The following ENTHD1 variants were observed in gnomAD, a reference collection of about 807,000 sequenced individuals.
The protein encoded by ENTHD1 is ENTH domain-containing protein 1.
In ENTHD1, 23 loss-of-function variants were observed where a neutral mutation model predicts 39.1. The ratio of observed to expected loss-of-function variants is 0.59; its 90% CI spans 0.42 to 0.83. The LOEUF is 0.83. Ranked by LOEUF, ENTHD1 falls within the 40% of genes least tolerant of loss-of-function variation. ENTHD1 has a pLI of 0.00. For missense variants in ENTHD1, 624 were observed against 705.4 expected, an observed-to-expected ratio of 0.88 and a Z score of 1.31; for synonymous variants, 230 against 258.2, an observed-to-expected ratio of 0.89 and a Z score of 1.05.
intron 3 of ENTHD1, among the ~76,000 whole-genome samples, chr22:39,841,562 T>C (rs1728345306): frequency 1.3e-5 from 2 of 151,848 alleles, no homozygotes; most frequent in Admixed American, 1.3e-4. Flanking sequence ...TTGCAACCCC[T>C]GCCTTTTTTT....
chr22:39,829,774 T>C (rs563277165), intron 4 of ENTHD1, among the ~76,000 whole-genome samples: 12 of 144,638 alleles, frequency 8.3e-5, no homozygotes, highest in African/African-American at 2.5e-4. Context: ...CTGGGTGGCA[T>C]AGAGAGACTC....
intron 3 of ENTHD1, 32 bp from the exon 4 acceptor site, chr22:39,835,990 T>C (rs756473600): frequency 2.0e-6 from 3 of 1,513,524 alleles, no homozygotes; most frequent in South Asian, 2.5e-5. Context: ...AGATTTTACT[T>C]TGGCAAAACA....
At chr22:39,744,563 C>T (rs1469650160) in intron 6 of ENTHD1, among the ~76,000 whole-genome samples, 1 of 152,144 alleles carries the variant, frequency 6.6e-6, no homozygotes, top group Non-Finnish European at 1.5e-5. Context: ...CCCTGCCCAA[C>T]ATATTTTTAC....
intron 5 of ENTHD1, among the ~76,000 whole-genome samples, chr22:39,774,812 C>T (rs776750775): frequency 5.3e-5 from 8 of 152,154 alleles, no homozygotes; most frequent in East Asian, 1.9e-4. Flanking sequence ...AGCCTTCACC[C>T]GTGCTGATAT....
intron 5 of ENTHD1, among the ~76,000 whole-genome samples, chr22:39,783,983 T>C (rs1330028440): frequency 6.6e-6 from 1 of 151,984 alleles, no homozygotes; most frequent in Non-Finnish European, 1.5e-5. Flanking sequence ...TGGGACAAAA[T>C]ATTTGCAAAC....
At chr22:39,866,058 C>A (rs2066179467) in intron 2 of ENTHD1, among the ~76,000 whole-genome samples, 1 of 152,192 alleles carries the variant, frequency 6.6e-6, no homozygotes. Flanking sequence ...CCAAGTGACC[C>A]AGCTTGAAAC....
chr22:39,743,377 T>TA lies in ENTHD1; in HGVS notation c.*301dup. 1 of 242,104 alleles carries TA rather than the reference T, an allele frequency of 4.1e-6. No individual in the cohort carries two copies. Among genetic ancestry groups the TA allele is most frequent in the Non-Finnish European group, 7.9e-6 (1 of 126,728 alleles). The allele number at this position is 242,104 out of a possible 1,614,324, so 15.0% of individuals were successfully genotyped here. A position where few individuals can be genotyped will look rare whatever the true frequency, so the allele number is the denominator to read the frequency against. Reference sequence around the variant, plus strand: ...AATAGTCATTTGCAGTTTGAGGTCTTACCACAATTTTCACTAATGCTTAAC... The same window carrying TA: ...AATAGTCATTTGCAGTTTGAGGTCTTAACCACAATTTTCACTAATGCTTAAC... On this transcript the variant is annotated 3_prime_UTR_variant, in exon 7 of 7. Transcript: ENST00000325157.
rs187064483 is a variant in ENTHD1 at position 39,817,022 on chromosome 22, A to C, written c.832+3971T>G. On this transcript the variant is annotated intron_variant, in intron 5 of 6. Transcript: ENST00000325157. ...AAACAGGTAATCCATAGAAGAGGAAATAGAAATATCTACTCAATATGTAGC... is the reference window on the plus strand; with the variant it reads ...AAACAGGTAATCCATAGAAGAGGAACTAGAAATATCTACTCAATATGTAGC... 4.3e-3 allele frequency among the ~76,000 whole-genome samples: 651 copies of C among 152,290 alleles called. 1 individual carries two copies. Among genetic ancestry groups the C allele is most frequent in the Non-Finnish European group, 7.0e-3 (473 of 68,018 alleles).
chr22:39,827,417 A>G (rs1325395357), intron 4 of ENTHD1, among the ~76,000 whole-genome samples: 1 of 152,204 alleles, frequency 6.6e-6, no homozygotes, highest in Non-Finnish European at 1.5e-5. Flanking sequence ...TAAAAATTTT[A>G]AATCAAATGG....
chr22:39,881,845 A>G (rs1223496024), intron 2 of ENTHD1, among the ~76,000 whole-genome samples: 2 of 152,336 alleles, frequency 1.3e-5, no homozygotes, highest in East Asian at 3.8e-4. Context: ...TGGAAGAGCC[A>G]TGCAGGTTTC....
At chr22:39,829,824 A>G (rs1003504245) in intron 4 of ENTHD1, among the ~76,000 whole-genome samples, 1 of 151,692 alleles carries the variant, frequency 6.6e-6, no homozygotes, top group African/African-American at 2.4e-5. Context: ...AAATAAATAA[A>G]TAAAATAATT....
At chr22:39,840,794 G>A (rs967143948) in intron 3 of ENTHD1, among the ~76,000 whole-genome samples, 5 of 150,642 alleles carry the variant, frequency 3.3e-5, no homozygotes, top group Non-Finnish European at 5.9e-5. Flanking sequence ...TCGCTCTGTC[G>A]CCCAGGCTGG....
At chr22:39,814,914 A>T (rs1258674946) in intron 5 of ENTHD1, among the ~76,000 whole-genome samples, 1 of 152,240 alleles carries the variant, frequency 6.6e-6, no homozygotes, top group Non-Finnish European at 1.5e-5. Flanking sequence ...CCTCATTAAA[A>T]TTCAGAACTT....
intron 2 of ENTHD1, among the ~76,000 whole-genome samples, chr22:39,868,350 T>TAA (rs535956120): frequency 0.073 from 9,175 of 126,424 alleles, 390 homozygotes; most frequent in South Asian, 0.13. Flanking sequence ...TTTATTTTAT[T>TAA]AAAAAAAAAA....
chr22:39,816,891 A>T (rs2065737839), intron 5 of ENTHD1, among the ~76,000 whole-genome samples: 1 of 151,946 alleles, frequency 6.6e-6, no homozygotes, highest in Admixed American at 6.6e-5. Flanking sequence ...AAAGAATCAG[A>T]TATCTATGTA....
chr22:39,777,026 A>G (rs1360610073), intron 5 of ENTHD1, among the ~76,000 whole-genome samples: 1 of 152,228 alleles, frequency 6.6e-6, no homozygotes, highest in Non-Finnish European at 1.5e-5. Flanking sequence ...AATTACAGCT[A>G]CAAAGCAGAG....
intron 2 of ENTHD1, among the ~76,000 whole-genome samples, chr22:39,876,525 A>G (rs1169309265): frequency 2.0e-5 from 3 of 151,858 alleles, no homozygotes; most frequent in African/African-American, 7.2e-5. Flanking sequence ...AAAAAAAAAA[A>G]AAAAAAAAAG....
In ENTHD1 at chr22:39,862,064, A is replaced by AT. The variant is rs1048719106; in HGVS notation, c.350-58dup. ...GAAATACTAGTTAAGGCTATAATTAATTTTTTTTCTACAGAAATTTTTTTA... is the reference window on the plus strand; with the variant it reads ...GAAATACTAGTTAAGGCTATAATTAATTTTTTTTTCTACAGAAATTTTTTTA... On this transcript the variant is annotated intron_variant, in intron 2 of 6. Coordinates refer to ENST00000325157, the MANE Select transcript of ENTHD1 (RefSeq NM_152512.4). 23 of 1,305,862 alleles carry AT rather than the reference A, an allele frequency of 1.8e-5. 1 individual carries two copies. The highest frequency in any genetic ancestry group is 3.0e-5 in the African/African-American group (2 of 67,308). 80.9% of individuals were successfully genotyped at this position (1,305,862 alleles called of 1,614,324 possible). A position where few individuals can be genotyped will look rare whatever the true frequency, so the allele number is the denominator to read the frequency against.
At chr22:39,884,942 G>A (rs886373930) in intron 2 of ENTHD1, among the ~76,000 whole-genome samples, 2 of 152,160 alleles carry the variant, frequency 1.3e-5, no homozygotes, top group Non-Finnish European at 2.9e-5. Context: ...TTGGACAATG[G>A]AGCCCATAGT....
Sources: allele counts gnomAD v4.1 joint callset (sites outside exome capture counted in the v4.1 genomes callset), GRCh38; gene constraint gnomAD v4.1.1; transcripts MANE v1.5; gene names NCBI Gene and HGNC (gene_info 2026-07-23, HGNC 2026-07-21).